The following MRAP variants were observed in gnomAD, a reference collection of about 807,000 sequenced individuals.
The protein encoded by MRAP is melanocortin 2 receptor accessory protein.
MRAP carries 8 observed loss-of-function variants against 8.7 expected under a neutral mutation model. The ratio of observed to expected loss-of-function variants is 0.92; its 90% CI spans 0.54 to 1.66. The LOEUF (loss-of-function observed/expected upper bound fraction) is 1.66. MRAP is among the 40% of genes most tolerant of loss of function. The pLI is 0.00. For synonymous variants in MRAP, 95 were observed against 95.5 expected, an observed-to-expected ratio of 1.00 and a Z score of 0.03; for missense variants, 237 against 217.1, an observed-to-expected ratio of 1.09 and a Z score of -0.58.
chr21:32,294,175 T>C (rs1188963928), upstream of MRAP, among the ~76,000 whole-genome samples: 2 of 152,158 alleles, frequency 1.3e-5, no homozygotes, highest in African/African-American at 4.8e-5. Context: ...AGTGCAGTGG[T>C]GCAATCTCGG....
intron 2 of MRAP, among the ~76,000 whole-genome samples, chr21:32,293,471 A>G (rs1043991095): frequency 1.3e-5 from 2 of 152,310 alleles, no homozygotes; most frequent in Admixed American, 1.3e-4. Context: ...TGGAAACAGC[A>G]GGGCCTGGAG....
In MRAP at chr21:32,308,017, A is replaced by G. The variant is rs150004878; in HGVS notation, c.206+1278A>G. ...ATATCTCACTAAAGCTGTTAAAGAA[A>G]ATGAAGCCAACTTGACACCATGGGC... On this transcript the variant is annotated intron_variant, in intron 2 of 2. Coordinates refer to ENST00000303645, the MANE Select transcript of MRAP (RefSeq NM_001379228.1). Among the ~76,000 whole-genome samples, 9 of 152,314 alleles carry G rather than the reference A, an allele frequency of 5.9e-5. No homozygotes were observed. The East Asian group carries it at 1.7e-3, about 29-fold the overall frequency.
chr21:32,305,558 TG>T (rs1403902909), intron 1 of MRAP, among the ~76,000 whole-genome samples: 4 of 152,164 alleles, frequency 2.6e-5, no homozygotes, highest in Admixed American at 6.5e-5. Context: ...TGGAACATTG[TG>T]GGTGAATGAG....
Position 32,311,775 on chromosome 21 carries a change from C to A in MRAP, c.298C>A (p.Pro100Thr), listed in dbSNP as rs768317959. Residue 100 changes from proline (P) to threonine (T), a missense_variant, in exon 3 of 3, where the codon CCC becomes ACC. By Grantham distance (38) the Pro-to-Thr change is conservative (BLOSUM62 -1). Transcript: ENST00000303645. ...GAAGTGCCTGCCGTGCCACAGGGAA[C>A]CCCTGGCAACCTCACAGGCTCAGGC... The part of the protein sequence containing the change: ...IQKCLPCHRE[P>T]LATSQAQASS... 23 of 1,614,166 alleles carry A rather than the reference C, an allele frequency of 1.4e-5. No individual in the cohort carries two copies. The highest frequency in any genetic ancestry group is 1.9e-5 in the Non-Finnish European group (22 of 1,180,034).
At chr21:32,309,908 G>A (rs995091418) in intron 2 of MRAP, among the ~76,000 whole-genome samples, 1 of 151,962 alleles carries the variant, frequency 6.6e-6, no homozygotes, top group African/African-American at 2.4e-5. Context: ...GCATCACTGA[G>A]GTCAGGAGCC....
intron 1 of MRAP, among the ~76,000 whole-genome samples, chr21:32,300,827 A>G (rs372901112): frequency 1.4e-5 from 2 of 143,610 alleles, no homozygotes; most frequent in African/African-American, 2.6e-5. Flanking sequence ...CATGTGTCCT[A>G]TGTCGGATAT....
In MRAP at chr21:32,311,757, C is replaced by A; in HGVS notation, c.280C>A (p.Leu94Met). Residue 94 changes from leucine to methionine, a missense_variant, in exon 3 of 3, where the codon CTG (leucine) becomes ATG (methionine). By Grantham distance (15) the Leu-to-Met change is conservative (BLOSUM62 2). Coordinates refer to ENST00000303645, the MANE Select transcript of MRAP (RefSeq NM_001379228.1). Reference sequence around the variant, plus strand: ...CCTCCACCTCTGCATCCAGAAGTGCCTGCCGTGCCACAGGGAACCCCTGGC... The same window carrying A: ...CCTCCACCTCTGCATCCAGAAGTGCATGCCGTGCCACAGGGAACCCCTGGC... ...LNLHLCIQKC[L>M]PCHREPLATS... 6.2e-7 allele frequency: 1 copy of A among 1,614,158 alleles called. No homozygotes were observed. The highest frequency in any genetic ancestry group is 1.7e-5 in the Admixed American group (1 of 60,032).
chr21:32,293,054 G>A (rs1261203510), exon 2 of MRAP: 1 of 152,170 alleles, frequency 6.6e-6, no homozygotes, highest in Admixed American at 6.5e-5. Context: ...TACCTGCACG[G>A]ACCCAGTATA....
intron 1 of MRAP, among the ~76,000 whole-genome samples, chr21:32,300,772 A>G (rs1437219672): frequency 1.4e-5 from 2 of 142,126 alleles, no homozygotes; most frequent in African/African-American, 5.3e-5. Context: ...CAGGGGCGTC[A>G]TGCCTCCTAT....
At chr21:32,297,734 G>A (rs1056768838), upstream of MRAP, among the ~76,000 whole-genome samples, 3 of 152,218 alleles carry the variant, frequency 2.0e-5, no homozygotes, top group African/African-American at 4.8e-5. Flanking sequence ...CAAGTCTGGC[G>A]TCAGAAATGT....
At chr21:32,295,846 C>T (rs551141823), upstream of MRAP, among the ~76,000 whole-genome samples, 15 of 152,166 alleles carry the variant, frequency 9.9e-5, no homozygotes, top group South Asian at 4.2e-4. Flanking sequence ...CGTGGTGGCA[C>T]CTGCCTGTAA....
chr21:32,304,826 G>T (rs963902031), intron 1 of MRAP, among the ~76,000 whole-genome samples: 1 of 152,042 alleles, frequency 6.6e-6, no homozygotes, highest in African/African-American at 2.4e-5. Flanking sequence ...CAGCCTGGGG[G>T]TCTTTGCTGT....
rs185290699 is a variant in MRAP, at chr21:32,311,077, A to G, written c.207-607A>G. 136 of 152,666 alleles carry G rather than the reference A, an allele frequency of 8.9e-4. 2 individuals are homozygous for G. The South Asian group carries it at 0.017, about 19-fold the overall frequency. The allele number at this position is 152,666 out of a possible 1,614,324, so 9.5% of individuals were successfully genotyped here. A position where few individuals can be genotyped will look rare whatever the true frequency, so the allele number is the denominator to read the frequency against. On this transcript the variant is annotated intron_variant, in intron 2 of 2. Transcript: ENST00000303645. ...AGTTTCACATGGCGGGGGAGGCTTCACAGTCATGGCAGAAGGCAAAGGAAG... is the reference window on the plus strand; with the variant it reads ...AGTTTCACATGGCGGGGGAGGCTTCGCAGTCATGGCAGAAGGCAAAGGAAG...
chr21:32,314,489 A>G (rs567037062), downstream of MRAP: 1 of 1,519,930 alleles, frequency 6.6e-7, no homozygotes, highest in South Asian at 1.1e-5. Flanking sequence ...CTGCTGAAAA[A>G]TAAACTTTAA....
chr21:32,300,785 C>G (rs564812319), intron 1 of MRAP, among the ~76,000 whole-genome samples: 1 of 142,054 alleles, frequency 7.0e-6, no homozygotes, highest in Non-Finnish European at 1.5e-5. Context: ...CCTCCTATGT[C>G]GGATGTGTCA....
Position 32,298,959 on chromosome 21 carries a change from CA to C in MRAP, c.-12del. ...GCTGCCGGCCCGGACGCTGACTGCC[CA>C]GTGCCACAGACATGGCCAACGGGAC... On this transcript the variant is annotated 5_prime_UTR_variant, in exon 1 of 3. Coordinates refer to ENST00000303645, the MANE Select transcript of MRAP (RefSeq NM_001379228.1). 1 of 1,605,424 alleles carries C rather than the reference CA, an allele frequency of 6.2e-7. No homozygotes were observed. Among genetic ancestry groups the C allele is most frequent in the Non-Finnish European group, 8.5e-7 (1 of 1,172,188 alleles).
chr21:32,300,569 A>G (rs914105575), intron 1 of MRAP, among the ~76,000 whole-genome samples: 1 of 140,612 alleles, frequency 7.1e-6, no homozygotes, highest in African/African-American at 2.8e-5. Flanking sequence ...CAGATGTTTC[A>G]CACGTCATGT....
chr21:32,303,372 GA>G (rs1376594473), intron 1 of MRAP, among the ~76,000 whole-genome samples: 2 of 152,204 alleles, frequency 1.3e-5, no homozygotes, highest in African/African-American at 4.8e-5. Flanking sequence ...TAACAAAACA[GA>G]AGTGTCTACT....
At chr21:32,304,507 C>T (rs1247228029) in intron 1 of MRAP, among the ~76,000 whole-genome samples, 1 of 151,848 alleles carries the variant, frequency 6.6e-6, no homozygotes, top group African/African-American at 2.4e-5. Context: ...CCCAGCTACT[C>T]GGGAGGCTGA....
Sources: allele counts gnomAD v4.1 joint callset (sites outside exome capture counted in the v4.1 genomes callset), GRCh38; gene constraint gnomAD v4.1.1; transcripts MANE v1.5; gene names NCBI Gene and HGNC (gene_info 2026-07-23, HGNC 2026-07-21).